PRKG1: variants seen among roughly 807,000 people sequenced by gnomAD.
The protein encoded by PRKG1 is protein kinase cGMP-dependent 1.
PRKG1 carries 35 observed loss-of-function variants against 88.1 expected under a neutral mutation model. The observed-to-expected ratio is 0.40, with a 90% CI of 0.30 to 0.53. The LOEUF (loss-of-function observed/expected upper bound fraction) is 0.53. Ranked by LOEUF, PRKG1 falls within the 20% of genes least tolerant of loss-of-function variation. The pLI is 0.59. For missense variants in PRKG1, 540 were observed against 839.8 expected (o/e 0.64, Z 4.41); for synonymous variants, 303 against 292.5 (o/e 1.04, Z -0.37).
intron 3 of PRKG1, among the ~76,000 whole-genome samples, chr10:51,616,129 G>A (rs1209375332): frequency 1.3e-5 from 2 of 152,164 alleles, no homozygotes. Context: ...GGTTATTATT[G>A]GAGGCTGTGG....
chr10:52,179,399 C>T (rs1035245193), intron 9 of PRKG1, among the ~76,000 whole-genome samples: 15 of 152,082 alleles, frequency 9.9e-5, no homozygotes, highest in African/African-American at 3.1e-4. Context: ...ACTTTTGGTA[C>T]TTTGACTATA....
At chr10:51,162,007 T>C (rs1213805279) in intron 2 of PRKG1, among the ~76,000 whole-genome samples, 3 of 152,250 alleles carry the variant, frequency 2.0e-5, no homozygotes, top group Admixed American at 6.5e-5. Flanking sequence ...ACAATTGTTA[T>C]GTGTTCATTT....
intron 2 of PRKG1, among the ~76,000 whole-genome samples, chr10:51,197,271 A>G (rs2132049827): frequency 6.6e-6 from 1 of 152,068 alleles, no homozygotes; most frequent in African/African-American, 2.4e-5. Flanking sequence ...TATTTTATTT[A>G]TTTATTTAAA....
Position 52,164,145 on chromosome 10 carries a change from G to A in PRKG1, c.1076+2182G>A, listed in dbSNP as rs1838361683. ...GGGGGAAGATCACCTGAGGTCAGGA[G>A]TTTGAGACCAGCCTGGCCAACATGG... On this transcript the variant is annotated intron_variant, in intron 9 of 17. Transcript: ENST00000373980. 2.0e-5 allele frequency among the ~76,000 whole-genome samples: 3 copies of A among 152,110 alleles called. No homozygotes were observed. The South Asian group carries it at 6.2e-4, about 32-fold the overall frequency.
chr10:51,634,193 A>T (rs1387477963), intron 3 of PRKG1, among the ~76,000 whole-genome samples: 3 of 152,158 alleles, frequency 2.0e-5, no homozygotes, highest in Non-Finnish European at 4.4e-5. Context: ...AGCTTCACAA[A>T]GGAAGTAACA....
At chr10:51,486,913 C>G (rs143205038) in intron 3 of PRKG1, among the ~76,000 whole-genome samples, 4 of 152,152 alleles carry the variant, frequency 2.6e-5, no homozygotes, top group African/African-American at 9.6e-5. Flanking sequence ...TATTGTCCTT[C>G]AAGAGGTGAT....
chr10:51,514,142 C>A (rs1310354474), intron 3 of PRKG1, among the ~76,000 whole-genome samples: 2 of 146,416 alleles, frequency 1.4e-5, no homozygotes, highest in African/African-American at 2.6e-5. Flanking sequence ...CAAATAGACA[C>A]AATAAAAAAT....
chr10:51,827,271 G>A (rs1310516314), intron 4 of PRKG1, among the ~76,000 whole-genome samples: 2 of 152,068 alleles, frequency 1.3e-5, no homozygotes, highest in Non-Finnish European at 2.9e-5. Context: ...TATGAAAAAG[G>A]TTTGAAAGAG....
chr10:51,455,696 C>T (rs1839565627), intron 2 of PRKG1, among the ~76,000 whole-genome samples: 1 of 152,218 alleles, frequency 6.6e-6, no homozygotes, highest in African/African-American at 2.4e-5. Context: ...TCCTCATCTC[C>T]ATCTGAGACC....
intron 2 of PRKG1, among the ~76,000 whole-genome samples, chr10:51,389,210 T>C (rs768783453): frequency 2.0e-5 from 3 of 152,232 alleles, no homozygotes; most frequent in Non-Finnish European, 4.4e-5. Flanking sequence ...CTCTTTCTTA[T>C]GACCAATTTT....
chr10:51,164,110 C>A (rs1174633579), intron 2 of PRKG1, among the ~76,000 whole-genome samples: 1 of 152,170 alleles, frequency 6.6e-6, no homozygotes, highest in African/African-American at 2.4e-5. Flanking sequence ...GGGTCCCTGA[C>A]CCCTGACCCC....
chr10:52,183,901 G>T (rs1007937194), intron 9 of PRKG1, among the ~76,000 whole-genome samples: 1 of 152,206 alleles, frequency 6.6e-6, no homozygotes, highest in African/African-American at 2.4e-5. Flanking sequence ...TGATGGCAAT[G>T]GGGGCTGCTA....
chr10:52,116,176 T>C (rs1309454416), intron 7 of PRKG1, among the ~76,000 whole-genome samples: 1 of 152,168 alleles, frequency 6.6e-6, no homozygotes, highest in Non-Finnish European at 1.5e-5. Context: ...AAATGTACTT[T>C]CAGTTAGAAT....
At position 52,293,928 on chromosome 10, in the gene PRKG1, G is replaced by A. The variant is rs772784654; in HGVS notation, c.*28G>A. 54 of 1,564,138 alleles carry A rather than the reference G, an allele frequency of 3.5e-5. No homozygotes were observed. Among genetic ancestry groups the A allele is most frequent in the Non-Finnish European group, 4.7e-5 (53 of 1,138,838 alleles). On this transcript the variant is annotated 3_prime_UTR_variant, in exon 18 of 18. Coordinates refer to ENST00000373980, the MANE Select transcript of PRKG1 (RefSeq NM_006258.4). ...TATTTCTCTTACCTGCTTCTGCCTT[G>A]CTGAAGACAGCTTTTTCTGAGACAC...
At chr10:51,917,112 G>A (rs1842358393) in intron 5 of PRKG1, among the ~76,000 whole-genome samples, 2 of 152,068 alleles carry the variant, frequency 1.3e-5, no homozygotes, top group Non-Finnish European at 2.9e-5. Flanking sequence ...GAAGTCAGAA[G>A]TTTGAGAGCA....
At chr10:51,047,453 C>T (rs1843504477) in intron 1 of PRKG1, among the ~76,000 whole-genome samples, 1 of 151,886 alleles carries the variant, frequency 6.6e-6, no homozygotes, top group South Asian at 2.1e-4. Flanking sequence ...AGATGGGTAG[C>T]CTAGGTCAGT....
chr10:51,973,500 G>C (rs1182399358), intron 5 of PRKG1, among the ~76,000 whole-genome samples: 1 of 152,078 alleles, frequency 6.6e-6, no homozygotes, highest in African/African-American at 2.4e-5. Context: ...TGAAGAAACT[G>C]CTTTCTGACT....
At chr10:52,074,640 C>A (rs1415838581) in intron 7 of PRKG1, among the ~76,000 whole-genome samples, 2 of 152,172 alleles carry the variant, frequency 1.3e-5, no homozygotes, top group Non-Finnish European at 2.9e-5. Context: ...CTCATTCCTT[C>A]CAAGTCTAAA....
intron 7 of PRKG1, among the ~76,000 whole-genome samples, chr10:52,131,506 G>A (rs1433323119): frequency 6.6e-6 from 1 of 151,930 alleles, no homozygotes; most frequent in East Asian, 1.9e-4. Context: ...TAGGCCTATG[G>A]AAAGCATGTT....
Sources: allele counts gnomAD v4.1 joint callset (sites outside exome capture counted in the v4.1 genomes callset), GRCh38; gene constraint gnomAD v4.1.1; transcripts MANE v1.5; gene names NCBI Gene and HGNC (gene_info 2026-07-23, HGNC 2026-07-21).